CEP85L: variants seen among roughly 807,000 people sequenced by gnomAD.
CEP85L encodes centrosomal protein 85L.
Under a neutral mutation model 100.3 loss-of-function variants are expected in CEP85L, and 60 were observed. The ratio of observed to expected loss-of-function variants is 0.60; its 90% CI spans 0.49 to 0.74. The LOEUF (loss-of-function observed/expected upper bound fraction) is 0.74, where lower values mean the gene tolerates loss of function less well. Ranked by LOEUF, CEP85L falls within the 30% of genes least tolerant of loss-of-function variation. The probability of loss-of-function intolerance (pLI) is 0.00; values close to 1 mark genes in which losing one functional copy is unlikely to be tolerated. For synonymous variants in CEP85L, 319 were observed against 322.7 expected, an observed-to-expected ratio of 0.99 and a Z score of 0.12; for missense variants, 973 against 936.2, an observed-to-expected ratio of 1.04 and a Z score of -0.51.
intron 5 of CEP85L, among the ~76,000 whole-genome samples, chr6:118,508,574 T>C (rs1448962743): frequency 6.6e-6 from 1 of 152,106 alleles, no homozygotes; most frequent in Admixed American, 6.5e-5. Context: ...TCTCTACCTA[T>C]GAGACTGAGT....
intron 1 of CEP85L, among the ~76,000 whole-genome samples, chr6:118,690,698 C>G (rs1416951547): frequency 6.6e-6 from 1 of 152,178 alleles, no homozygotes; most frequent in African/African-American, 2.4e-5. Context: ...AAAATTGACT[C>G]AGTAGAAAGA....
At position 118,463,850 on chromosome 6, in the gene CEP85L, G is replaced by A. The variant is rs1439968562; in HGVS notation, c.*1555C>T. On this transcript the variant is annotated 3_prime_UTR_variant, in exon 13 of 13. Coordinates refer to ENST00000368491, the MANE Select transcript of CEP85L (RefSeq NM_001042475.3). ...ACATTTTAAACTGTGTATCTTCCTG[G>A]GTAGTCTCCTTGAAGGCCTTGTCTC... The A allele has an allele frequency of 6.6e-6, 1 of 151,966 alleles. No homozygotes were observed. Among genetic ancestry groups the A allele is most frequent in the East Asian group, 1.9e-4 (1 of 5,192 alleles). 9.4% of individuals were successfully genotyped at this position (151,966 alleles called of 1,614,324 possible). A position where few individuals can be genotyped will look rare whatever the true frequency, so the allele number is the denominator to read the frequency against.
chr6:118,507,167 T>C (rs1268515235), intron 5 of CEP85L, among the ~76,000 whole-genome samples: 1 of 152,200 alleles, frequency 6.6e-6, no homozygotes, highest in East Asian at 1.9e-4. Flanking sequence ...ACTATTTTTC[T>C]CCTCTAAACA....
chr6:118,483,727 A>T lies in CEP85L; in HGVS notation c.1569T>A (p.Asp523Glu). 1.2e-6 allele frequency: 2 copies of T among 1,613,468 alleles called. No individual in the cohort carries two copies. The highest frequency in any genetic ancestry group is 1.7e-6 in the Non-Finnish European group (2 of 1,179,662). ...TTACCTGTAGACTCTGACTCTGTAC[A>T]TCATCTAGAGTTGGAAGATCAGCCA... ...KYLADLPTLD[D>E]VQSQSLQLQI... Residue 523 changes from aspartate (D) to glutamate (E), a missense_variant, in exon 7 of 13, where the codon GAT becomes GAA. By Grantham distance (45) the Asp-to-Glu change is conservative (BLOSUM62 2). Transcript: ENST00000368491.
At position 118,646,141 on chromosome 6, in the gene CEP85L, C is replaced by T. The variant is rs1422771356; in HGVS notation, c.73+5056G>A. On this transcript the variant is annotated intron_variant, in intron 1 of 12. Coordinates refer to ENST00000368491, the MANE Select transcript of CEP85L (RefSeq NM_001042475.3). The stretch of plus-strand genomic sequence containing the variant: ...CTGAGGCAGAAGAATCACTTGAACC[C>T]ATGAGGCGGAGGTTGCAGTGAGCCG... Among the ~76,000 whole-genome samples, 5 of 152,140 alleles carry T rather than the reference C, an allele frequency of 3.3e-5. No homozygotes were observed. In the East Asian group the frequency reaches 9.6e-4, roughly 29 times the overall value.
intron 3 of CEP85L, chr6:118,560,149 C>T (rs1474126384): frequency 6.0e-6 from 1 of 166,962 alleles, no homozygotes; most frequent in Non-Finnish European, 1.5e-5. Context: ...TTGAAATGAA[C>T]TTGTTGGCCC....
chr6:118,538,227 A>T (rs1037435215), intron 3 of CEP85L, among the ~76,000 whole-genome samples: 4 of 152,024 alleles, frequency 2.6e-5, no homozygotes, highest in Non-Finnish European at 5.9e-5. Flanking sequence ...CAAAGTTTAT[A>T]TTATAGAAGA....
chr6:118,682,045 C>A (rs930721704), intron 1 of CEP85L, among the ~76,000 whole-genome samples: 2 of 151,786 alleles, frequency 1.3e-5, no homozygotes, highest in African/African-American at 4.9e-5. Flanking sequence ...GGATTACAGG[C>A]GTGAGCCACC....
intron 1 of CEP85L, among the ~76,000 whole-genome samples, chr6:118,643,148 T>C (rs1053961523): frequency 2.0e-5 from 3 of 152,198 alleles, no homozygotes; most frequent in Admixed American, 6.5e-5. Context: ...CTTAAAATAT[T>C]ACAAAATAAT....
chr6:118,635,381 A>C (rs1774429593), intron 1 of CEP85L, among the ~76,000 whole-genome samples: 1 of 152,178 alleles, frequency 6.6e-6, no homozygotes, highest in Non-Finnish European at 1.5e-5. Context: ...CAGCTGGAGA[A>C]GAGTTTGTAC....
intron 3 of CEP85L, among the ~76,000 whole-genome samples, chr6:118,524,948 G>A (rs934008132): frequency 6.6e-6 from 1 of 152,186 alleles, no homozygotes; most frequent in Non-Finnish European, 1.5e-5. Context: ...CTGGTGACCT[G>A]GAAATCAATC....
intron 2 of CEP85L, among the ~76,000 whole-genome samples, chr6:118,618,843 T>C (rs1327124703): frequency 2.6e-5 from 4 of 152,234 alleles, no homozygotes; most frequent in Non-Finnish European, 5.9e-5. Flanking sequence ...CCCACGTAAA[T>C]TGGGCCTTGA....
At position 118,566,057 on chromosome 6, in the gene CEP85L, G is replaced by T. The variant is rs747593968; in HGVS notation, c.492C>A (p.Ala164=). The change falls in exon 3 of 13, where the codon GCC becomes GCA. Residue 164 remains alanine, a synonymous_variant. Transcript: ENST00000368491. The part of the protein sequence containing the change: ...RKWSSLSKLT[A]PDNCGQGGTV... The stretch of plus-strand genomic sequence containing the variant: ...TGCCACCCTGGCCACAGTTATCCGG[G>T]GCAGTGAGTTTGGATAAAGATGACC... The T allele has an allele frequency of 6.2e-7, 1 of 1,614,124 alleles. No individual in the cohort carries two copies. Among genetic ancestry groups the T allele is most frequent in the East Asian group, 2.2e-5 (1 of 44,892 alleles).
At chr6:118,591,255 G>C (rs372731890) in intron 2 of CEP85L, among the ~76,000 whole-genome samples, 1 of 152,100 alleles carries the variant, frequency 6.6e-6, no homozygotes, top group Non-Finnish European at 1.5e-5. Flanking sequence ...TGACTTCCTA[G>C]AACTAAATTA....
chr6:118,476,303 A>G (rs948862490), intron 10 of CEP85L, among the ~76,000 whole-genome samples: 1 of 151,338 alleles, frequency 6.6e-6, no homozygotes, highest in Non-Finnish European at 1.5e-5. Flanking sequence ...TTTTAAAGCT[A>G]CTTTTCATAG....
intron 1 of CEP85L, among the ~76,000 whole-genome samples, chr6:118,660,636 C>T (rs1165905276): frequency 6.6e-6 from 1 of 152,224 alleles, no homozygotes; most frequent in African/African-American, 2.4e-5. Context: ...GTACTTCATA[C>T]TTATTTCAGT....
chr6:118,484,404 T>C (rs1399308112), intron 6 of CEP85L, among the ~76,000 whole-genome samples: 1 of 152,224 alleles, frequency 6.6e-6, no homozygotes, highest in Non-Finnish European at 1.5e-5. Context: ...GCTTTTACCA[T>C]GGACGGCATC....
chr6:118,646,379 T>C (rs1775191862), intron 1 of CEP85L, among the ~76,000 whole-genome samples: 1 of 151,932 alleles, frequency 6.6e-6, no homozygotes, highest in Admixed American at 6.6e-5. Context: ...TGTTATTGCT[T>C]AAAAATTGGC....
chr6:118,600,782 T>G (rs1470925298), intron 2 of CEP85L, among the ~76,000 whole-genome samples: 3 of 145,134 alleles, frequency 2.1e-5, no homozygotes, highest in East Asian at 2.0e-4. Context: ...TCTCCCTGCC[T>G]TCAGAGGGTT....
Sources: gnomAD v4.1 joint callset for allele counts (sites outside exome capture counted in the v4.1 genomes callset) on GRCh38, gnomAD v4.1.1 for gene constraint, MANE v1.5 for transcripts, NCBI Gene and HGNC (gene_info 2026-07-23, HGNC 2026-07-21) for gene names.